ZBTB7C: variants seen among roughly 807,000 people sequenced by gnomAD.
ZBTB7C encodes the protein zinc finger and BTB domain containing 7C.
In ZBTB7C, 8 loss-of-function variants were observed where a neutral mutation model predicts 25.7. The ratio of observed to expected loss-of-function variants is 0.31; its 90% CI spans 0.18 to 0.56. The LOEUF (loss-of-function observed/expected upper bound fraction) is 0.56, where lower values mean the gene tolerates loss of function less well. Ranked by LOEUF, ZBTB7C falls within the 20% of genes least tolerant of loss-of-function variation. The pLI is 0.91. For missense variants in ZBTB7C, 824 were observed against 855.2 expected, an observed-to-expected ratio of 0.96 and a Z score of 0.46; for synonymous variants, 394 against 369.0, an observed-to-expected ratio of 1.07 and a Z score of -0.78.
chr18:48,405,640 G>T (rs188312590), intron 1 of ZBTB7C, among the ~76,000 whole-genome samples: 1 of 152,252 alleles, frequency 6.6e-6, no homozygotes, highest in East Asian at 1.9e-4. Context: ...ATTCCCCTAG[G>T]GCAGCTGGCA....
intron 3 of ZBTB7C, among the ~76,000 whole-genome samples, chr18:48,151,322 T>G (rs2040670770): frequency 6.6e-6 from 1 of 152,152 alleles, no homozygotes. Context: ...TAGCTAACAT[T>G]AGGATGAGCA....
At chr18:48,111,746 CA>C (rs1014762353) in intron 3 of ZBTB7C, among the ~76,000 whole-genome samples, 2 of 152,234 alleles carry the variant, frequency 1.3e-5, no homozygotes, top group South Asian at 4.1e-4. Context: ...CCAACCTTCT[CA>C]AAACAGAAAC....
At chr18:48,057,815 T>C (rs2144299777) in intron 3 of ZBTB7C, among the ~76,000 whole-genome samples, 1 of 152,328 alleles carries the variant, frequency 6.6e-6, no homozygotes, top group Admixed American at 6.5e-5. Flanking sequence ...GTCTATCTCA[T>C]GGGTGGCTGT....
chr18:48,311,804 T>A (rs1285314074), intron 2 of ZBTB7C, among the ~76,000 whole-genome samples: 1 of 152,218 alleles, frequency 6.6e-6, no homozygotes, highest in Non-Finnish European at 1.5e-5. Flanking sequence ...TATTTGGATT[T>A]TTCTTCATCA....
chr18:48,245,105 C>CATATATATATAT (rs1568327234), intron 2 of ZBTB7C, among the ~76,000 whole-genome samples: 1 of 122,690 alleles, frequency 8.2e-6, no homozygotes, highest in African/African-American at 3.5e-5. Flanking sequence ...TATATATATA[C>CATATATATATAT]ACACACACAC....
At chr18:48,326,329 C>G (rs1349440386) in intron 2 of ZBTB7C, among the ~76,000 whole-genome samples, 1 of 152,104 alleles carries the variant, frequency 6.6e-6, no homozygotes, top group Admixed American at 6.5e-5. Context: ...CCCCTGACCT[C>G]AAGTGATCTG....
chr18:48,128,786 A>G lies in ZBTB7C; in HGVS notation c.-17+57148T>C, dbSNP rs149237677. On this transcript the variant is annotated intron_variant, in intron 3 of 4. Transcript: ENST00000590800. The stretch of plus-strand genomic sequence containing the variant: ...ATACTACTTGGGTGAGGAGTGCACT[A>G]AAGTCTCAGATTTCACCACTATATA... Among the ~76,000 whole-genome samples the G allele has an allele frequency of 3.0e-4, 46 of 152,352 alleles. No individual in the cohort carries two copies. In the East Asian group the frequency reaches 8.7e-3, roughly 29 times the overall value.
intron 3 of ZBTB7C, among the ~76,000 whole-genome samples, chr18:48,174,569 A>G (rs1320563707): frequency 1.3e-5 from 2 of 152,258 alleles, no homozygotes; most frequent in South Asian, 2.1e-4. Context: ...TCCCAAGCAT[A>G]TGAAACACAC....
intron 1 of ZBTB7C, among the ~76,000 whole-genome samples, chr18:48,340,464 C>A (rs2046572768): frequency 6.6e-6 from 1 of 152,202 alleles, no homozygotes; most frequent in Non-Finnish European, 1.5e-5. Context: ...TTGTCCCAGG[C>A]TGTCCATGGA....
At chr18:48,246,814 C>T (rs2043709047) in intron 2 of ZBTB7C, among the ~76,000 whole-genome samples, 1 of 152,120 alleles carries the variant, frequency 6.6e-6, no homozygotes, top group African/African-American at 2.4e-5. Context: ...CCCCAACAAC[C>T]ACCACATGCA....
chr18:48,050,828 C>A (rs1266187935), intron 3 of ZBTB7C, among the ~76,000 whole-genome samples: 1 of 152,162 alleles, frequency 6.6e-6, no homozygotes, highest in African/African-American at 2.4e-5. Flanking sequence ...CTGCTGAAAC[C>A]CCCTGGGTTA....
intron 2 of ZBTB7C, among the ~76,000 whole-genome samples, chr18:48,304,841 C>CAAAAAAAAAAAA (rs35398428): frequency 1.1e-5 from 1 of 90,336 alleles, no homozygotes; most frequent in African/African-American, 4.2e-5. Flanking sequence ...GGCTCTACCT[C>CAAAAAAAAAAAA]AAAAAAAAAA....
chr18:48,097,296 G>A (rs2038668575), intron 3 of ZBTB7C, among the ~76,000 whole-genome samples: 1 of 152,182 alleles, frequency 6.6e-6, no homozygotes, highest in Non-Finnish European at 1.5e-5. Flanking sequence ...CTGTAGATAG[G>A]AAGTGGGTAA....
At chr18:48,045,552 C>T (rs1473204427) in intron 3 of ZBTB7C, among the ~76,000 whole-genome samples, 1 of 152,146 alleles carries the variant, frequency 6.6e-6, no homozygotes, top group Non-Finnish European at 1.5e-5. Flanking sequence ...AAACACACAC[C>T]CTGTTCTCAG....
chr18:48,208,507 G>A (rs997717185), intron 2 of ZBTB7C, among the ~76,000 whole-genome samples: 10 of 152,196 alleles, frequency 6.6e-5, no homozygotes, highest in African/African-American at 2.4e-4. Context: ...GACAAAGGGG[G>A]TGGGGGAATA....
intron 1 of ZBTB7C, among the ~76,000 whole-genome samples, chr18:48,352,330 C>T (rs111473814): frequency 2.3e-4 from 35 of 152,348 alleles, no homozygotes; most frequent in African/African-American, 8.4e-4. Context: ...GCCAGCTTAT[C>T]CAAGTGCTCA....
intron 2 of ZBTB7C, among the ~76,000 whole-genome samples, chr18:48,208,593 G>A (rs1424826894): frequency 6.6e-6 from 1 of 152,038 alleles, no homozygotes; most frequent in Non-Finnish European, 1.5e-5. Flanking sequence ...ACTCCTGCAG[G>A]CTCCTTAAGA....
intron 3 of ZBTB7C, among the ~76,000 whole-genome samples, chr18:48,133,257 G>C (rs2040041704): frequency 6.6e-6 from 1 of 152,238 alleles, no homozygotes; most frequent in Non-Finnish European, 1.5e-5. Flanking sequence ...ATGGAGGAGG[G>C]AGGTGCATGG....
chr18:48,193,343 C>A (rs9965449), intron 2 of ZBTB7C, among the ~76,000 whole-genome samples: 33,333 of 150,460 alleles, frequency 0.22, 4,012 homozygotes, highest in South Asian at 0.35. Flanking sequence ...CCCCTCCTCG[C>A]AGGTCTAGAG....
Sources: allele counts gnomAD v4.1 joint callset (sites outside exome capture counted in the v4.1 genomes callset), GRCh38; gene constraint gnomAD v4.1.1; transcripts MANE v1.5; gene names NCBI Gene and HGNC (gene_info 2026-07-23, HGNC 2026-07-21).